Variants in PLIN5 observed in about 807,000 individuals in gnomAD.
PLIN5 encodes perilipin 5, also known as perilipin-5.
A neutral mutation model predicts 32.8 loss-of-function variants in PLIN5; 34 were observed. The ratio of observed to expected loss-of-function variants is 1.04; its 90% CI spans 0.79 to 1.38. The LOEUF is 1.38. Among genes scored for constraint, PLIN5 ranks in the 40% most tolerant of loss-of-function variants. The probability of loss-of-function intolerance (pLI) is 0.00; values close to 1 mark genes in which losing one functional copy is unlikely to be tolerated. For missense variants in PLIN5, 712 were observed against 660.5 expected (o/e 1.08, Z -0.85); for synonymous variants, 309 against 292.9 (o/e 1.05, Z -0.56).
rs748308233 is a variant in PLIN5 at position 4,529,077 on chromosome 19, C to G, written c.516G>C (p.Glu172Asp). The G allele has an allele frequency of 1.2e-6, 2 of 1,612,634 alleles. No individual in the cohort carries two copies. The highest frequency in any genetic ancestry group is 2.2e-5 in the South Asian group (2 of 90,998). The stretch of plus-strand genomic sequence containing the variant: ...GGTTGAGGGTGTCGTCCTCACCGAG[C>G]TCTTCCTCCGTCATGGGCAGGAAGT... ...VDHFLPMTEE[E>D]LAALAAEAEG... Residue 172 changes from glutamate to aspartate, a missense_variant, in exon 5 of 8, where the codon GAG becomes GAC. Physicochemically the swap from Glu to Asp is conservative, Grantham distance 45 (BLOSUM62 2). Transcript: ENST00000381848.
intron 3 of PLIN5, 50 bp from the exon 4 acceptor site, chr19:4,529,916 T>A (rs769058461): frequency 8.1e-7 from 1 of 1,241,564 alleles, no homozygotes; most frequent in South Asian, 1.4e-5. Context: ...CAGAGGGAGA[T>A]AGGGACGCAG....
chr19:4,526,077 T>C (rs961647954), intron 5 of PLIN5, among the ~76,000 whole-genome samples: 13 of 152,066 alleles, frequency 8.5e-5, no homozygotes, highest in African/African-American at 3.1e-4. Context: ...ACCCATTTGG[T>C]CTTCCCCAAA....
Position 4,525,592 on chromosome 19 carries a change from T to C in PLIN5, c.720+41A>G. On this transcript the variant is annotated intron_variant, in intron 6 of 7. Transcript: ENST00000381848. The surrounding 1 kb of genome is among the most constrained non-coding windows in gnomAD (Gnocchi z 5.6). ...CAGCTGGTGCTCAATCCATACTGAT[T>C]GGCCTGCATCCCGGAGCAGGGGCGG... 1 of 1,603,036 alleles carries C rather than the reference T, an allele frequency of 6.2e-7. No individual in the cohort carries two copies. The highest frequency in any genetic ancestry group is 8.5e-7 in the Non-Finnish European group (1 of 1,176,338).
In PLIN5 at chr19:4,524,091, G is replaced by A. The variant is rs1457621469; in HGVS notation, c.835-6C>T. On this transcript the variant is annotated splice_polypyrimidine_tract_variant and splice_region_variant and intron_variant, in intron 7 of 7. Coordinates refer to ENST00000381848, the MANE Select transcript of PLIN5 (RefSeq NM_001013706.3). ...ACCAGCGTCTCCAGCTCTGCCTGCA[G>A]GGGGCGGGGACCTCAGTTTCCCCTA... The A allele has an allele frequency of 7.1e-7, 1 of 1,413,870 alleles. No individual in the cohort carries two copies. Among genetic ancestry groups the A allele is most frequent in the Admixed American group, 3.1e-5 (1 of 32,722 alleles). The allele number at this position is 1,413,870 out of a possible 1,614,324, so 87.6% of individuals were successfully genotyped here. A position where few individuals can be genotyped will look rare whatever the true frequency, so the allele number is the denominator to read the frequency against.
intron 5 of PLIN5, 164 bp downstream of exon 5, chr19:4,528,909 G>A (rs750042285): frequency 2.9e-6 from 2 of 698,820 alleles, no homozygotes; most frequent in East Asian, 2.9e-5. Context: ...AGGTTGAGGG[G>A]CCGTGGAAGT....
At chr19:4,528,829 G>A (rs1664586176) in intron 5 of PLIN5, 1 of 403,486 alleles carries the variant, frequency 2.5e-6, no homozygotes, top group African/African-American at 2.1e-5. Context: ...GGGGCCACCA[G>A]TTTGGGACCT....
intron 5 of PLIN5, among the ~76,000 whole-genome samples, chr19:4,527,910 C>T (rs1336185387): frequency 7.0e-6 from 1 of 143,868 alleles, no homozygotes; most frequent in Non-Finnish European, 1.5e-5. Context: ...CAATGCCTCA[C>T]TGCCTTTTTT....
chr19:4,525,800 C>T lies in PLIN5; in HGVS notation c.553G>A (p.Val185Met), dbSNP rs1460698709. The change falls in exon 6 of 8, where the codon GTG becomes ATG. Residue 185 changes from valine (V) to methionine (M), a missense_variant. Coordinates refer to ENST00000381848, the MANE Select transcript of PLIN5 (RefSeq NM_001013706.3). This position sits in a 1 kb window ranked among gnomAD's most constrained non-coding sequence, Gnocchi z 5.6. ...ALAAEAEGPE[V>M]GSVEDQRRQQ... The stretch of plus-strand genomic sequence containing the variant: ...CTCCTCTGATCCTCCACCGAACCCA[C>T]TTCAGGGCCTTCAGCCTCAGCCGCC... 1 of 1,612,754 alleles carries T rather than the reference C, an allele frequency of 6.2e-7. No homozygotes were observed. The highest frequency in any genetic ancestry group is 8.5e-7 in the Non-Finnish European group (1 of 1,179,820).
rs529204257 is a variant in PLIN5 at position 4,527,970 on chromosome 19, T to C, written c.520+1103A>G. Among the ~76,000 whole-genome samples, 343 of 150,988 alleles carry C rather than the reference T, an allele frequency of 2.3e-3. 5 individuals are homozygous for C. The highest frequency in any genetic ancestry group is 0.014 in the South Asian group (65 of 4,760). On this transcript the variant is annotated intron_variant, in intron 5 of 7. Coordinates refer to ENST00000381848, the MANE Select transcript of PLIN5 (RefSeq NM_001013706.3). ...TGTCACCCAGGCTCAAGTGCAGTGG[T>C]GCGATCTCTGCTCACTGCAAGCTCC...
At chr19:4,530,308 G>A (rs531328494) in intron 3 of PLIN5, among the ~76,000 whole-genome samples, 6 of 152,282 alleles carry the variant, frequency 3.9e-5, no homozygotes, top group Admixed American at 1.3e-4. Flanking sequence ...CTTTTCAGCC[G>A]TGCCCAGCTC....
chr19:4,530,197 G>C (rs917328256), intron 3 of PLIN5, among the ~76,000 whole-genome samples: 1 of 152,102 alleles, frequency 6.6e-6, no homozygotes, highest in African/African-American at 2.4e-5. Flanking sequence ...GGTGAGACTG[G>C]GGGCCCTGAG....
In PLIN5 at chr19:4,531,749, G is replaced by A; in HGVS notation, c.134C>T (p.Ala45Val). ...CAGCAGCGGGTGCCTGTCCTTGGCTGCACTGTAAACATCGCAGACCGCGGT... is the reference window on the plus strand; with the variant it reads ...CAGCAGCGGGTGCCTGTCCTTGGCTACACTGTAAACATCGCAGACCGCGGT... ...TCTAVCDVYS[A>V]AKDRHPLLGS... The change falls in exon 3 of 8, where the codon GCA (alanine) becomes GTA (valine). Residue 45 changes from alanine (A) to valine (V), a missense_variant. Transcript: ENST00000381848. 1 of 1,602,038 alleles carries A rather than the reference G, an allele frequency of 6.2e-7. No individual in the cohort carries two copies. Among genetic ancestry groups the A allele is most frequent in the East Asian group, 2.3e-5 (1 of 44,410 alleles).
At chr19:4,530,350 G>T (rs10404463) in intron 3 of PLIN5, among the ~76,000 whole-genome samples, 1 of 152,158 alleles carries the variant, frequency 6.6e-6, no homozygotes, top group African/African-American at 2.4e-5. Flanking sequence ...CAAGGTCACA[G>T]AAGCTGGCTG....
At chr19:4,526,267 G>A (rs1976802505) in intron 5 of PLIN5, among the ~76,000 whole-genome samples, 1 of 152,064 alleles carries the variant, frequency 6.6e-6, no homozygotes, top group Admixed American at 6.6e-5. Flanking sequence ...TGTCCCCTAG[G>A]CTGGAGTGCA....
intron 5 of PLIN5, among the ~76,000 whole-genome samples, chr19:4,527,499 A>G (rs1266083078): frequency 7.4e-6 from 1 of 134,554 alleles, no homozygotes; most frequent in Non-Finnish European, 1.5e-5. Context: ...AGATCATATC[A>G]CTGCACTCTA....
In PLIN5 at chr19:4,523,369, G is replaced by C. The variant is rs1976754471; in HGVS notation, c.*159C>G. ...GTCCATGTGTTCAAGGAAAAAATGGGAGAGTCCAATACCAAAAAGGTGGTC... is the reference window on the plus strand; with the variant it reads ...GTCCATGTGTTCAAGGAAAAAATGGCAGAGTCCAATACCAAAAAGGTGGTC... On this transcript the variant is annotated 3_prime_UTR_variant, in exon 8 of 8. Coordinates refer to ENST00000381848, the MANE Select transcript of PLIN5 (RefSeq NM_001013706.3). This position sits in a 1 kb window ranked among gnomAD's most constrained non-coding sequence, Gnocchi z 5.0. 1.3e-6 allele frequency: 1 copy of C among 794,762 alleles called. No individual in the cohort carries two copies. The highest frequency in any genetic ancestry group is 1.8e-6 in the Non-Finnish European group (1 of 547,006). The allele number at this position is 794,762 out of a possible 1,614,324, so 49.2% of individuals were successfully genotyped here.
Position 4,529,092 on chromosome 19 carries a change from G to C in PLIN5, c.501C>G (p.Pro167=), listed in dbSNP as rs1377089478. The change falls in exon 5 of 8, where the codon CCC becomes CCG. Residue 167 remains proline (P), a synonymous_variant. Transcript: ENST00000381848. The part of the protein sequence containing the change: ...KSEELVDHFL[P]MTEEELAALA... ...CCTCACCGAGCTCTTCCTCCGTCAT[G>C]GGCAGGAAGTGATCCACCAGCTCCT... is the stretch of plus-strand genomic sequence containing the variant. The C allele has an allele frequency of 1.9e-6, 3 of 1,613,232 alleles. No homozygotes were observed. Among genetic ancestry groups the C allele is most frequent in the Non-Finnish European group, 2.5e-6 (3 of 1,179,958 alleles).
At chr19:4,524,214 G>A (rs1251998347) in intron 7 of PLIN5, 129 bp from the exon 8 acceptor site, 4 of 925,928 alleles carry the variant, frequency 4.3e-6, no homozygotes, top group African/African-American at 3.5e-5. Flanking sequence ...CCTGTCCCCT[G>A]TAGACACAGA....
At position 4,531,691 on chromosome 19, in the gene PLIN5, C is replaced by T; in HGVS notation, c.192G>A (p.Val64=). ...CCAGGGCACGGGTGGTCAGGCCGCA[C>T]ACGCAGTTCTCAGCCAGGCGGCAGG... is the stretch of plus-strand genomic sequence containing the variant. ...GSACRLAENC[V]CGLTTRALDH... The change falls in exon 3 of 8, where the codon GTG becomes GTA. Residue 64 remains valine, a synonymous_variant. Coordinates refer to ENST00000381848, the MANE Select transcript of PLIN5 (RefSeq NM_001013706.3). 2.6e-6 allele frequency: 4 copies of T among 1,559,950 alleles called. No individual in the cohort carries two copies. The highest frequency in any genetic ancestry group is 2.6e-6 in the Non-Finnish European group (3 of 1,156,650).
Sources: allele counts gnomAD v4.1 joint callset (sites outside exome capture counted in the v4.1 genomes callset), GRCh38; gene constraint gnomAD v4.1.1; non-coding constraint Gnocchi (gnomAD v3.1); transcripts MANE v1.5; gene names NCBI Gene and HGNC (gene_info 2026-07-23, HGNC 2026-07-21).